Variants in HMCN1 observed in about 807,000 individuals in gnomAD.
The protein encoded by HMCN1 is hemicentin-1.
Under a neutral mutation model 625.9 loss-of-function variants are expected in HMCN1, and 321 were observed. The observed-to-expected ratio is 0.51, with a 90% CI of 0.47 to 0.56. The LOEUF is 0.56. Among genes scored for constraint, HMCN1 ranks in the 20% least tolerant of loss-of-function variants. The probability of loss-of-function intolerance (pLI) is 0.00; values close to 1 mark genes in which losing one functional copy is unlikely to be tolerated. For synonymous variants in HMCN1, 2,425 were observed against 2,417.6 expected (o/e 1.00, Z -0.09); for missense variants, 6,588 against 6,887.3 (o/e 0.96, Z 1.54).
At chr1:185,843,206 C>G (rs1402086455) in intron 1 of HMCN1, among the ~76,000 whole-genome samples, 3 of 152,124 alleles carry the variant, frequency 2.0e-5, no homozygotes, top group South Asian at 2.1e-4. Flanking sequence ...CTTTATTCAT[C>G]CCACTTTCTG....
rs143555344 is a variant in HMCN1 at position 186,166,283 on chromosome 1, C to T, written c.15419C>T (p.Ala5140Val). 46 of 1,614,176 alleles carry T rather than the reference C, an allele frequency of 2.8e-5. No individual in the cohort carries two copies. The African/African-American group carries it at 5.9e-4, about 21-fold the overall frequency. ...CSCPKGLTIAADGRTCQDIDE... is the reference protein window; with the variant it reads ...CSCPKGLTIAVDGRTCQDIDE... ...TGCCCTAAAGGCCTCACCATAGCTG[C>T]AGATGGAAGAACTTGTCAAGGTATT... The change falls in exon 99 of 107, where the codon GCA becomes GTA. Residue 5140 changes from alanine (A) to valine (V), a missense_variant. Physicochemically the swap from Ala to Val is moderately conservative, Grantham distance 64. Transcript: ENST00000271588.
chr1:186,184,825 A>G (rs1027675003), intron 105 of HMCN1, among the ~76,000 whole-genome samples: 1 of 152,232 alleles, frequency 6.6e-6, no homozygotes, highest in African/African-American at 2.4e-5. Context: ...TATTTATGTT[A>G]CAAAATACTT....
chr1:185,991,286 T>A lies in HMCN1; in HGVS notation c.3377+843T>A, dbSNP rs544011741. On this transcript the variant is annotated intron_variant, in intron 22 of 106. Transcript: ENST00000271588. ...CCTACTGCCAGTGAAGGAAAAAAAT[T>A]AAGAAGGACTTTATATAATTTTACT... 1.3e-4 allele frequency among the ~76,000 whole-genome samples: 20 copies of A among 152,306 alleles called. No individual in the cohort carries two copies. In the East Asian group the frequency reaches 3.7e-3, roughly 28 times the overall value.
At chr1:185,974,732 T>C (rs774776481) in intron 15 of HMCN1, among the ~76,000 whole-genome samples, 3 of 152,200 alleles carry the variant, frequency 2.0e-5, no homozygotes, top group Non-Finnish European at 4.4e-5. Context: ...CTGCCTTGGC[T>C]GCTTACCTAG....
intron 46 of HMCN1, among the ~76,000 whole-genome samples, chr1:186,059,866 G>A (rs1277705518): frequency 3.9e-5 from 6 of 151,906 alleles, no homozygotes; most frequent in African/African-American, 1.4e-4. Context: ...AGAAGTCCAT[G>A]AAAAAAGAGA....
rs1049906779 is a variant in HMCN1 at position 186,154,135 on chromosome 1, A to C, written c.15256+148A>C. 4.3e-6 allele frequency: 3 copies of C among 697,676 alleles called. No homozygotes were observed. In the African/African-American group the frequency reaches 5.4e-5, roughly 13 times the overall value. 43.2% of individuals were successfully genotyped at this position (697,676 alleles called of 1,614,324 possible). On this transcript the variant is annotated intron_variant, in intron 97 of 106. Transcript: ENST00000271588. ...ATGCCTTTTTGTTAAGTAAAGCCCT[A>C]TGGAAAAGCCAACCCAATTGGAGTT...
chr1:186,164,625 G>A (rs1239918071), intron 97 of HMCN1, among the ~76,000 whole-genome samples: 1 of 152,166 alleles, frequency 6.6e-6, no homozygotes, highest in Non-Finnish European at 1.5e-5. Context: ...CACACGTGGG[G>A]GATTTTGACC....
rs763348905 is a variant in HMCN1 at position 186,151,680 on chromosome 1, G to A, written c.14833G>A (p.Val4945Ile). Residue 4945 changes from valine (V) to isoleucine (I), a missense_variant, in exon 95 of 107, where the codon GTC (valine) becomes ATC (isoleucine). By Grantham distance (29) the Val-to-Ile change is conservative. This residue lies in a region of HMCN1 where 1,954 missense variants were observed against 2,013.1 expected (regional missense o/e 0.97). Transcript: ENST00000271588. ...WTTAKEIGEA[V>I]NGFTLTNAVF... ...AACAGCAAAGGAAATAGGAGAAGCA[G>A]TCAATGGCTTTACCCTCACCAATGC... The A allele has an allele frequency of 1.1e-5, 18 of 1,613,582 alleles. No homozygotes were observed. The highest frequency in any genetic ancestry group is 6.7e-5 in the Admixed American group (4 of 60,014).
intron 36 of HMCN1, among the ~76,000 whole-genome samples, chr1:186,033,064 G>A (rs918970395): frequency 3.3e-4 from 47 of 140,388 alleles, no homozygotes; most frequent in South Asian, 3.3e-3. Context: ...ATACACACAC[G>A]CACACACACA....
chr1:186,060,423 T>G (rs1657610090), intron 46 of HMCN1, among the ~76,000 whole-genome samples: 1 of 152,098 alleles, frequency 6.6e-6, no homozygotes, highest in African/African-American at 2.4e-5. Flanking sequence ...GCCCAGGACT[T>G]TGTTCTCTCA....
intron 11 of HMCN1, among the ~76,000 whole-genome samples, chr1:185,962,045 TTTC>T (rs1218433519): frequency 1.3e-5 from 2 of 152,168 alleles, no homozygotes; most frequent in Non-Finnish European, 2.9e-5. Context: ...GAGTACATGG[TTTC>T]TTATCATAAC....
At chr1:186,186,857 C>A (rs372806019) in intron 105 of HMCN1, among the ~76,000 whole-genome samples, 1 of 152,224 alleles carries the variant, frequency 6.6e-6, no homozygotes, top group East Asian at 1.9e-4. Context: ...GAGGATGCCC[C>A]AGTATGAAAA....
intron 1 of HMCN1, among the ~76,000 whole-genome samples, chr1:185,768,181 C>T (rs1037179604): frequency 2.0e-4 from 31 of 152,162 alleles, no homozygotes; most frequent in African/African-American, 7.2e-4. Flanking sequence ...AAGCCCACTT[C>T]GTTCAGAAAA....
intron 53 of HMCN1, among the ~76,000 whole-genome samples, 169 bp from the exon 54 acceptor site, chr1:186,076,259 G>T (rs190044910): frequency 6.6e-6 from 1 of 152,036 alleles, no homozygotes; most frequent in African/African-American, 2.4e-5. Context: ...TCCGACTTTC[G>T]TGTACTACTT....
Position 186,111,147 on chromosome 1 carries a change from C to A in HMCN1, c.10990-1665C>A, listed in dbSNP as rs1660867689. Among the ~76,000 whole-genome samples, 2 of 150,510 alleles carry A rather than the reference C, an allele frequency of 1.3e-5. 1 individual carries two copies. The highest frequency in any genetic ancestry group is 4.2e-4 in the South Asian group (2 of 4,742). On this transcript the variant is annotated intron_variant, in intron 71 of 106. Transcript: ENST00000271588. Reference sequence around the variant, plus strand: ...AGGCACCCACCACCAGGCCCGGCTACTTTTTTGTATTTTTTAATAGAGACG... The same window carrying A: ...AGGCACCCACCACCAGGCCCGGCTAATTTTTTGTATTTTTTAATAGAGACG...
At chr1:186,028,812 C>T (rs1272859625) in intron 36 of HMCN1, among the ~76,000 whole-genome samples, 1 of 151,492 alleles carries the variant, frequency 6.6e-6, no homozygotes, top group Non-Finnish European at 1.5e-5. Flanking sequence ...GCAACTTCCG[C>T]CTCCCAGGTT....
At chr1:185,953,421 C>T (rs1416105373) in intron 11 of HMCN1, among the ~76,000 whole-genome samples, 1 of 151,814 alleles carries the variant, frequency 6.6e-6, no homozygotes, top group Non-Finnish European at 1.5e-5. Flanking sequence ...GTCTGCCTTC[C>T]CAGTCCATGA....
Position 186,153,795 on chromosome 1 carries a change from G to T in HMCN1, c.15064G>T (p.Ala5022Ser). The T allele has an allele frequency of 6.2e-7, 1 of 1,614,074 alleles. No homozygotes were observed. Among genetic ancestry groups the T allele is most frequent in the Non-Finnish European group, 8.5e-7 (1 of 1,179,996 alleles). ...YIQTGPGQLY[A>S]YSTRLFTIDG... ...TCAAACAGGTCCTGGGCAGCTGTAC[G>T]CCTACTCAACCCGGCTGTTCACCAT... Residue 5022 changes from alanine (A) to serine (S), a missense_variant, in exon 97 of 107, where the codon GCC becomes TCC. Physicochemically the swap from Ala to Ser is moderately conservative, Grantham distance 99. Around this residue, in one of 3 missense-constraint regions of HMCN1, gnomAD observed 1,954 missense variants for 2,013.1 expected, o/e 0.97. Coordinates refer to ENST00000271588, the MANE Select transcript of HMCN1 (RefSeq NM_031935.3).
intron 1 of HMCN1, among the ~76,000 whole-genome samples, chr1:185,756,781 A>C (rs1014369690): frequency 6.6e-6 from 1 of 152,192 alleles, no homozygotes; most frequent in African/African-American, 2.4e-5. Flanking sequence ...TCTAACTTTA[A>C]AATGCACTTG....
Sources: allele counts gnomAD v4.1 joint callset (sites outside exome capture counted in the v4.1 genomes callset), GRCh38; gene constraint gnomAD v4.1.1; regional missense constraint gnomAD v4.1.1; transcripts MANE v1.5; gene names NCBI Gene and HGNC (gene_info 2026-07-23, HGNC 2026-07-21).